The following C3AR1 variants were observed in gnomAD, a reference collection of about 807,000 sequenced individuals.
C3AR1 encodes the protein complement C3a receptor 1.
For synonymous variants in C3AR1, 208 were observed against 225.3 expected, an observed-to-expected ratio of 0.92 and a Z score of 0.69; for missense variants, 579 against 583.5, an observed-to-expected ratio of 0.99 and a Z score of 0.08.
At position 8,060,931 on chromosome 12, in the gene C3AR1, A is replaced by G. The variant is rs764516388; in HGVS notation, c.-10-736T>C. 2.6e-5 allele frequency among the ~76,000 whole-genome samples: 4 copies of G among 152,378 alleles called. No homozygotes were observed. In the South Asian group the frequency reaches 8.3e-4, roughly 32 times the overall value. On this transcript the variant is annotated intron_variant, in intron 1 of 1. Transcript: ENST00000307637. Reference sequence around the variant, plus strand: ...CAACCTGAGGTCACGAAAGGGTTTTAGGAAGTTCCATCACCACCTAAAATG... The same window carrying G: ...CAACCTGAGGTCACGAAAGGGTTTTGGGAAGTTCCATCACCACCTAAAATG...
At chr12:8,066,218 T>C (rs1246058901) in intron 1 of C3AR1, 60 bp downstream of exon 1, 1 of 152,158 alleles carries the variant, frequency 6.6e-6, no homozygotes, top group Admixed American at 6.5e-5. Context: ...TCAAACTCAT[T>C]ACCTATAATG....
chr12:8,062,323 G>A (rs1947282667), intron 1 of C3AR1, among the ~76,000 whole-genome samples: 1 of 151,844 alleles, frequency 6.6e-6, no homozygotes, highest in Non-Finnish European at 1.5e-5. Flanking sequence ...AGGAATACCC[G>A]ACCTTTATCT....
chr12:8,065,958 A>G (rs1340765780), intron 1 of C3AR1, among the ~76,000 whole-genome samples: 1 of 152,170 alleles, frequency 6.6e-6, no homozygotes, highest in Non-Finnish European at 1.5e-5. Flanking sequence ...AAAGGGAAAA[A>G]AAGTGCAATC....
Position 8,058,241 on chromosome 12 carries a change from A to C in C3AR1, c.*496T>G, listed in dbSNP as rs1054511724. On this transcript the variant is annotated 3_prime_UTR_variant, in exon 2 of 2. Coordinates refer to ENST00000307637, the MANE Select transcript of C3AR1 (RefSeq NM_004054.4). ...TTTAAAACCATCAACACCACACGAC[A>C]ACAAAGCATTAGGATATATGATCAT... is the stretch of plus-strand genomic sequence containing the variant. The C allele has an allele frequency of 1.5e-4, 23 of 154,184 alleles. No homozygotes were observed. Among genetic ancestry groups the C allele is most frequent in the Middle Eastern group, 3.2e-3 (1 of 316 alleles). 9.6% of individuals were successfully genotyped at this position (154,184 alleles called of 1,614,324 possible).
At chr12:8,063,964 T>C (rs1947304393) in intron 1 of C3AR1, among the ~76,000 whole-genome samples, 1 of 151,834 alleles carries the variant, frequency 6.6e-6, no homozygotes, top group African/African-American at 2.4e-5. Flanking sequence ...CCCAGCTACT[T>C]GGGAGGCTGA....
intron 1 of C3AR1, among the ~76,000 whole-genome samples, chr12:8,065,049 G>C (rs967412590): frequency 3.3e-5 from 5 of 151,138 alleles, no homozygotes; most frequent in African/African-American, 4.9e-5. Flanking sequence ...AAGTTTGACA[G>C]TGAAACTCAG....
At chr12:8,065,736 T>C (rs1947324687) in intron 1 of C3AR1, among the ~76,000 whole-genome samples, 1 of 148,986 alleles carries the variant, frequency 6.7e-6, no homozygotes, top group South Asian at 2.2e-4. Context: ...AAAAATACCA[T>C]ACCTTTATGT....
Position 8,059,287 on chromosome 12 carries a change from G to A in C3AR1, c.899C>T (p.Ala300Val). Residue 300 changes from alanine to valine, a missense_variant, in exon 2 of 2, where the codon GCT (alanine) becomes GTT (valine). Ala to Val is a moderately conservative substitution (Grantham distance 64). Coordinates refer to ENST00000307637, the MANE Select transcript of C3AR1 (RefSeq NM_004054.4). ...AGACTCGTAGAAGGAATTGCTAGAA[G>A]CGCTAGGGAACAGCTTTAAATGAGT... Reference protein sequence around the residue: ...LSTHLKLFPSASSNSFYESEL... With the variant: ...LSTHLKLFPSVSSNSFYESEL... 1.2e-6 allele frequency: 2 copies of A among 1,614,196 alleles called. No individual in the cohort carries two copies. Among genetic ancestry groups the A allele is most frequent in the Non-Finnish European group, 1.7e-6 (2 of 1,180,028 alleles).
Position 8,059,967 on chromosome 12 carries a change from G to C in C3AR1, c.219C>G (p.Leu73=). The C allele has an allele frequency of 6.2e-7, 1 of 1,614,188 alleles. No homozygotes were observed. Among genetic ancestry groups the C allele is most frequent in the Non-Finnish European group, 8.5e-7 (1 of 1,180,040 alleles). ...AGTGAGCCAGCGAGAAGGGCAAGGA[G>C]AGGCAGCAGAGGAGGTCCGCCAAGG... ...HLTLADLLCC[L]SLPFSLAHLA... Residue 73 remains leucine (L), a synonymous_variant, in exon 2 of 2, where the codon CTC becomes CTG. Transcript: ENST00000307637.
chr12:8,059,091 C>A lies in C3AR1; in HGVS notation c.1095G>T (p.Arg365Ser), dbSNP rs771745173. ...CYSFIVFRMQ[R>S]GRFAKSQSKT... ...TGCTCTGAGACTTGGCGAAGCGGCC[C>A]CTTTGCATTCGGAAGACAATGAAGC... The change falls in exon 2 of 2, where the codon AGG (arginine) becomes AGT (serine). Residue 365 changes from arginine to serine, a missense_variant. Physicochemically the swap from Arg to Ser is moderately radical, Grantham distance 110 (BLOSUM62 -1). Coordinates refer to ENST00000307637, the MANE Select transcript of C3AR1 (RefSeq NM_004054.4). 2 of 1,614,048 alleles carry A rather than the reference C, an allele frequency of 1.2e-6. No individual in the cohort carries two copies. Among genetic ancestry groups the A allele is most frequent in the African/African-American group, 2.7e-5 (2 of 74,910 alleles).
At chr12:8,061,456 T>A (rs1252091669) in intron 1 of C3AR1, among the ~76,000 whole-genome samples, 2 of 151,330 alleles carry the variant, frequency 1.3e-5, no homozygotes, top group African/African-American at 4.9e-5. Flanking sequence ...TTTATTTATT[T>A]ATTATTATTA....
rs141615526 is a variant in C3AR1 at position 8,059,735 on chromosome 12, A to G, written c.451T>C (p.Phe151Leu). The G allele has an allele frequency of 8.7e-6, 14 of 1,613,980 alleles. No homozygotes were observed. The highest frequency in any genetic ancestry group is 1.1e-5 in the Non-Finnish European group (13 of 1,180,002). The change falls in exon 2 of 2, where the codon TTT becomes CTT. Residue 151 changes from phenylalanine (F) to leucine (L), a missense_variant. By Grantham distance (22) the Phe-to-Leu change is conservative (BLOSUM62 0). Transcript: ENST00000307637. ...ACGAACACAGGAATGCACATCACAA[A>G]AGCCACCACCCAGATACATCCACAG... ...SICGCIWVVA[F>L]VMCIPVFVYR... is the part of the protein sequence containing the mutation.
At chr12:8,061,695 G>T (rs1448526455) in intron 1 of C3AR1, among the ~76,000 whole-genome samples, 1 of 152,036 alleles carries the variant, frequency 6.6e-6, no homozygotes, top group Non-Finnish European at 1.5e-5. Flanking sequence ...TGCTAGGCTC[G>T]AGTGATCCTC....
chr12:8,057,892 A>G lies in C3AR1; in HGVS notation c.*845T>C, dbSNP rs1054164679. Reference sequence around the variant, plus strand: ...GAGGTTGTTTGAGGCACAAAGTCTGATGTGGAAGATTTGGAGGCTGGGGAG... The same window carrying G: ...GAGGTTGTTTGAGGCACAAAGTCTGGTGTGGAAGATTTGGAGGCTGGGGAG... On this transcript the variant is annotated 3_prime_UTR_variant, in exon 2 of 2. Transcript: ENST00000307637. Among the ~76,000 whole-genome samples, 1 of 152,158 alleles carries G rather than the reference A, an allele frequency of 6.6e-6. No individual in the cohort carries two copies. The highest frequency in any genetic ancestry group is 2.4e-5 in the African/African-American group (1 of 41,432).
rs1018942604 is a variant in C3AR1, at chr12:8,058,622, G to C, written c.*115C>G. 1.7e-6 allele frequency: 2 copies of C among 1,160,896 alleles called. No individual in the cohort carries two copies. The highest frequency in any genetic ancestry group is 3.1e-5 in the African/African-American group (2 of 64,712). The allele number at this position is 1,160,896 out of a possible 1,614,324, so 71.9% of individuals were successfully genotyped here. ...GTCTGTGTACCGTTTGAGAACCGCTGGATTGATTCTTTGACAGTTTTTGAA... is the reference window on the plus strand; with the variant it reads ...GTCTGTGTACCGTTTGAGAACCGCTCGATTGATTCTTTGACAGTTTTTGAA... On this transcript the variant is annotated 3_prime_UTR_variant, in exon 2 of 2. Transcript: ENST00000307637.
At chr12:8,065,537 C>G (rs1947322428) in intron 1 of C3AR1, among the ~76,000 whole-genome samples, 1 of 151,426 alleles carries the variant, frequency 6.6e-6, no homozygotes. Flanking sequence ...GCCTGCAATC[C>G]CACCTACTCA....
Position 8,059,426 on chromosome 12 carries a change from G to T in C3AR1, c.760C>A (p.Leu254Met). Residue 254 changes from leucine to methionine, a missense_variant, in exon 2 of 2, where the codon CTG becomes ATG. Transcript: ENST00000307637. ...GCAGGTTTAAATACATTAGAATACA[G>T]ATTTTGACTTGTTAACCTAGCAGAA... ...RGSARLTSQN[L>M]YSNVFKPADV... 6.2e-7 allele frequency: 1 copy of T among 1,614,032 alleles called. No individual in the cohort carries two copies. Among genetic ancestry groups the T allele is most frequent in the South Asian group, 1.1e-5 (1 of 91,078 alleles).
chr12:8,058,201 T>C lies in C3AR1; in HGVS notation c.*536A>G, dbSNP rs1360694670. The C allele has an allele frequency of 2.6e-5, 4 of 153,648 alleles. No individual in the cohort carries two copies. In the East Asian group the frequency reaches 5.8e-4, roughly 22 times the overall value. The allele number at this position is 153,648 out of a possible 1,614,324, so 9.5% of individuals were successfully genotyped here. A position where few individuals can be genotyped will look rare whatever the true frequency, so the allele number is the denominator to read the frequency against. ...CTTGTCTTCACAGGCATTTTCTTTT[T>C]GCACTTTCTTTTCGTTTAAAACCAT... is the stretch of plus-strand genomic sequence containing the variant. On this transcript the variant is annotated 3_prime_UTR_variant, in exon 2 of 2. Transcript: ENST00000307637.
In C3AR1 at chr12:8,059,677, T is replaced by C. The variant is rs1301297125; in HGVS notation, c.509A>G (p.Asn170Ser). ...GAGACCAAATTTGTAGCCACATCTA[T>C]TATGGTTGTCTGTAGTGAAGATTTC... Reference protein sequence around the residue: ...YREIFTTDNHNRCGYKFGLSS... With the variant: ...YREIFTTDNHSRCGYKFGLSS... The change falls in exon 2 of 2, where the codon AAT becomes AGT. Residue 170 changes from asparagine (N) to serine (S), a missense_variant. Coordinates refer to ENST00000307637, the MANE Select transcript of C3AR1 (RefSeq NM_004054.4). The C allele has an allele frequency of 1.9e-6, 3 of 1,614,128 alleles. No homozygotes were observed. Among genetic ancestry groups the C allele is most frequent in the Admixed American group, 1.7e-5 (1 of 60,008 alleles).
Sources: allele counts gnomAD v4.1 joint callset (sites outside exome capture counted in the v4.1 genomes callset), GRCh38; gene constraint gnomAD v4.1.1; transcripts MANE v1.5; gene names NCBI Gene and HGNC (gene_info 2026-07-23, HGNC 2026-07-21).